The following PLG variants were observed in gnomAD, a reference collection of about 807,000 sequenced individuals.
PLG encodes plasminogen, also known as plasmin.
In PLG, 41 loss-of-function variants were observed where a neutral mutation model predicts 104.4. The ratio of observed to expected loss-of-function variants is 0.39; its 90% CI spans 0.31 to 0.51. The LOEUF (loss-of-function observed/expected upper bound fraction) is 0.51, where lower values mean the gene tolerates loss of function less well. Among genes scored for constraint, PLG ranks in the 20% least tolerant of loss-of-function variants. PLG has a pLI of 0.76. For synonymous variants in PLG, 337 were observed against 357.1 expected (o/e 0.94, Z 0.63); for missense variants, 891 against 1,003.6 (o/e 0.89, Z 1.52).
intron 2 of PLG, 182 bp downstream of exon 2, chr6:160,706,724 T>C (rs1777535285): frequency 1.6e-6 from 1 of 643,840 alleles, no homozygotes; most frequent in Non-Finnish European, 2.8e-6. Flanking sequence ...ATTGGAGTCT[T>C]TGTTAGAAAA....
chr6:160,716,064 G>T (rs1777723847), intron 6 of PLG, among the ~76,000 whole-genome samples: 1 of 152,240 alleles, frequency 6.6e-6, no homozygotes, highest in Non-Finnish European at 1.5e-5. Context: ...CTTCAAGGCT[G>T]GTGGGAGCAG....
rs1273485765 is a variant in PLG at position 160,736,954 on chromosome 6, G to C, written c.1749G>C (p.Gly583=). The C allele has an allele frequency of 5.0e-6, 8 of 1,613,930 alleles. No individual in the cohort carries two copies. In the East Asian group the frequency reaches 8.9e-5, roughly 18 times the overall value. The change falls in exon 14 of 19, where the codon GGG becomes GGC. Residue 583 remains glycine (G), a synonymous_variant. Coordinates refer to ENST00000308192, the MANE Select transcript of PLG (RefSeq NM_000301.5). This position sits in a 1 kb window ranked among gnomAD's most constrained non-coding sequence, Gnocchi z 5.2. ...EPKKCPGRVV[G]GCVAHPHSWP... is the part of the protein sequence containing the mutation. ...AGAAATGTCCTGGAAGGGTTGTAGG[G>C]GGGTGTGTGGCCCACCCACATTCCT...
At position 160,743,792 on chromosome 6, in the gene PLG, G is replaced by A. The variant is rs116758646; in HGVS notation, c.2125+2375G>A. Among the ~76,000 whole-genome samples, 1,445 of 152,128 alleles carry A rather than the reference G, an allele frequency of 9.5e-3. 24 individuals carry two copies. The highest frequency in any genetic ancestry group is 0.034 in the African/African-American group (1,395 of 41,480). ...GCCCATTTAGTATGATGTTGGCTGT[G>A]GACTTGTCATAGCTGTCTCTTATTA... On this transcript the variant is annotated intron_variant, in intron 17 of 18. Transcript: ENST00000308192.
chr6:160,722,136 G>A (rs1281589362), intron 9 of PLG, among the ~76,000 whole-genome samples: 1 of 152,088 alleles, frequency 6.6e-6, no homozygotes, highest in Non-Finnish European at 1.5e-5. Flanking sequence ...ACTCAGTAGG[G>A]ACCCATAAAA....
chr6:160,707,935 G>T, intron 3 of PLG, 129 bp downstream of exon 3: 1 of 812,116 alleles, frequency 1.2e-6, no homozygotes, highest in Non-Finnish European at 2.1e-6. Flanking sequence ...ACTGAATTCT[G>T]AGTTAGGACA....
intron 17 of PLG, among the ~76,000 whole-genome samples, chr6:160,751,239 C>T (rs545817058): frequency 6.7e-6 from 1 of 149,238 alleles, no homozygotes; most frequent in Non-Finnish European, 1.5e-5. Context: ...ACTTTATGAA[C>T]AAAGATGTGG....
Position 160,714,930 on chromosome 6 carries a change from A to G in PLG, c.668+16A>G, listed in dbSNP as rs895611490. On this transcript the variant is annotated intron_variant, in intron 6 of 18. Coordinates refer to ENST00000308192, the MANE Select transcript of PLG (RefSeq NM_000301.5). ...TTCCTTCCAAGTAAGTCTCACTGGG[A>G]AAAACATTCCATGTTTAATTAAGGC... 6 of 1,612,002 alleles carry G rather than the reference A, an allele frequency of 3.7e-6. No individual in the cohort carries two copies. The African/African-American group carries it at 5.3e-5, about 14-fold the overall frequency.
rs1359666006 is a variant in PLG, at chr6:160,724,595, T to C, written c.1256+2028T>C. On this transcript the variant is annotated intron_variant, in intron 10 of 18. Coordinates refer to ENST00000308192, the MANE Select transcript of PLG (RefSeq NM_000301.5). The surrounding 1 kb of genome is among the most constrained non-coding windows in gnomAD (Gnocchi z 5.0). Reference sequence around the variant, plus strand: ...TATTAGAAGCCAGAAGAAGAAAATATATGTTTACACAGAAGAATAGTGGTA... The same window carrying C: ...TATTAGAAGCCAGAAGAAGAAAATACATGTTTACACAGAAGAATAGTGGTA... Among the ~76,000 whole-genome samples, 1 of 152,154 alleles carries C rather than the reference T, an allele frequency of 6.6e-6. No individual in the cohort carries two copies. The highest frequency in any genetic ancestry group is 6.5e-5 in the Admixed American group (1 of 15,270).
At chr6:160,730,792 G>A in intron 10 of PLG, 3 of 386,928 alleles carry the variant, frequency 7.8e-6, no homozygotes, top group Middle Eastern at 7.7e-4. Context: ...TTATTTACAT[G>A]TTTATGTATG....
chr6:160,748,352 G>T (rs867330208), intron 17 of PLG, among the ~76,000 whole-genome samples: 8 of 25,184 alleles, frequency 3.2e-4, no homozygotes, highest in Non-Finnish European at 6.3e-4. Context: ...AAAAGAAAGA[G>T]AAAGAAAGAA....
rs960407506 is a variant in PLG at position 160,736,839 on chromosome 6, A to G, written c.1682-48A>G. ...AATTTGTCTCGAATTACACCACAAA[A>G]TTGCTACCTTGTCTCAAATGGGATT... On this transcript the variant is annotated intron_variant, in intron 13 of 18. Coordinates refer to ENST00000308192, the MANE Select transcript of PLG (RefSeq NM_000301.5). The surrounding 1 kb of genome is among the most constrained non-coding windows in gnomAD (Gnocchi z 5.2). 2 of 1,611,498 alleles carry G rather than the reference A, an allele frequency of 1.2e-6. No individual in the cohort carries two copies. The highest frequency in any genetic ancestry group is 1.7e-5 in the Admixed American group (1 of 59,934).
At position 160,734,844 on chromosome 6, in the gene PLG, T is replaced by A. The variant is rs1381320721; in HGVS notation, c.1681+756T>A. 1.3e-5 allele frequency among the ~76,000 whole-genome samples: 2 copies of A among 152,192 alleles called. No individual in the cohort carries two copies. Among genetic ancestry groups the A allele is most frequent in the East Asian group, 3.9e-4 (2 of 5,172 alleles). ...TTGTCCTAGTTACAGAAAACCACCC[T>A]GGACTTCTCCTATGCATAATTTGGT... On this transcript the variant is annotated intron_variant, in intron 13 of 18. Transcript: ENST00000308192. This position sits in a 1 kb window ranked among gnomAD's most constrained non-coding sequence, Gnocchi z 4.4.
At position 160,739,287 on chromosome 6, in the gene PLG, C is replaced by G; in HGVS notation, c.2018+79C>G. ...GTCTGGGTTTTATGGGCCATGGCCA[C>G]TGCATGGCAGTGGGGAGGAACTGTC... On this transcript the variant is annotated intron_variant, in intron 16 of 18. Coordinates refer to ENST00000308192, the MANE Select transcript of PLG (RefSeq NM_000301.5). This position sits in a 1 kb window ranked among gnomAD's most constrained non-coding sequence, Gnocchi z 4.4. 1.3e-6 allele frequency: 2 copies of G among 1,563,056 alleles called. No individual in the cohort carries two copies. The highest frequency in any genetic ancestry group is 1.1e-5 in the South Asian group (1 of 89,914).
chr6:160,718,543 G>A, intron 8 of PLG, 87 bp downstream of exon 8: 2 of 1,367,784 alleles, frequency 1.5e-6, no homozygotes, highest in South Asian at 1.2e-5. Flanking sequence ...AGGAACGCAG[G>A]ATAAAGTATT....
At position 160,718,803 on chromosome 6, in the gene PLG, C is replaced by G; in HGVS notation, c.1061C>G (p.Ser354Cys). 6.2e-7 allele frequency: 1 copy of G among 1,613,822 alleles called. No homozygotes were observed. Among genetic ancestry groups the G allele is most frequent in the Non-Finnish European group, 8.5e-7 (1 of 1,179,756 alleles). ...TACTGTAAGATACCGTCCTGTGACT[C>G]CTCCCCAGTATCCACGGAACAATTG... Reference protein sequence around the residue: ...WEYCKIPSCDSSPVSTEQLAP... With the variant: ...WEYCKIPSCDCSPVSTEQLAP... The change falls in exon 9 of 19, where the codon TCC (serine) becomes TGC (cysteine). Residue 354 changes from serine to cysteine, a missense_variant. By Grantham distance (112) the Ser-to-Cys change is moderately radical. This residue lies in a region of PLG where 854 missense variants were observed against 932.1 expected (regional missense o/e 0.92). Transcript: ENST00000308192.
At chr6:160,751,839 A>T (rs541739970) in intron 17 of PLG, among the ~76,000 whole-genome samples, 4 of 152,374 alleles carry the variant, frequency 2.6e-5, no homozygotes, top group African/African-American at 9.6e-5. Flanking sequence ...CATTTTAAAC[A>T]TTATTCTTTA....
chr6:160,746,833 G>T (rs781301340), intron 17 of PLG, among the ~76,000 whole-genome samples: 1 of 152,122 alleles, frequency 6.6e-6, no homozygotes, highest in Non-Finnish European at 1.5e-5. Flanking sequence ...CTTGTCTTTG[G>T]TTTCATAGTG....
At position 160,740,044 on chromosome 6, in the gene PLG, G is replaced by A. The variant is rs200958073; in HGVS notation, c.2018+836G>A. On this transcript the variant is annotated intron_variant, in intron 16 of 18. Transcript: ENST00000308192. The surrounding 1 kb of genome is among the most constrained non-coding windows in gnomAD (Gnocchi z 5.2). ...AGGTTTGGGACAGGTGACAAGGCAC[G>A]CAGGGCGCTCGCTGTGCTGGTGGTT... Among the ~76,000 whole-genome samples, 4 of 152,284 alleles carry A rather than the reference G, an allele frequency of 2.6e-5. No homozygotes were observed. Among genetic ancestry groups the A allele is most frequent in the African/African-American group, 2.4e-5 (1 of 41,570 alleles).
chr6:160,717,994 G>C (rs1470706974), intron 7 of PLG, among the ~76,000 whole-genome samples: 1 of 152,202 alleles, frequency 6.6e-6, no homozygotes, highest in African/African-American at 2.4e-5. Flanking sequence ...GCTCACGCCT[G>C]TAATCCCAGC....
Sources: gnomAD v4.1 joint callset for allele counts (sites outside exome capture counted in the v4.1 genomes callset) on GRCh38, gnomAD v4.1.1 for gene constraint, gnomAD v4.1.1 regional missense constraint, Gnocchi (gnomAD v3.1) non-coding constraint, MANE v1.5 for transcripts, NCBI Gene and HGNC (gene_info 2026-07-23, HGNC 2026-07-21) for gene names.